ZNF391: variants seen among roughly 807,000 people sequenced by gnomAD.
The protein encoded by ZNF391 is zinc finger protein 391.
For synonymous variants in ZNF391, 126 were observed against 142.1 expected, an observed-to-expected ratio of 0.89 and a Z score of 0.80; for missense variants, 375 against 425.5, an observed-to-expected ratio of 0.88 and a Z score of 1.04.
chr6:27,382,051 G>T (rs1420103578), intron 1 of ZNF391, among the ~76,000 whole-genome samples: 2 of 43,418 alleles, frequency 4.6e-5, no homozygotes, highest in South Asian at 1.4e-3. Context: ...AAAAAAAAAA[G>T]GCCGGCTGCG....
chr6:27,380,859 A>G (rs1165935659), intron 1 of ZNF391, among the ~76,000 whole-genome samples: 2 of 152,080 alleles, frequency 1.3e-5, no homozygotes, highest in South Asian at 2.1e-4. Flanking sequence ...GCATTCACAA[A>G]CCCTGAGCTA....
chr6:27,402,694 T>C lies in ZNF391; in HGVS notation c.*1247T>C, dbSNP rs6456779. The stretch of plus-strand genomic sequence containing the variant: ...TCATAGCTCACTGTAGCCTTGAACT[T>C]CTGGGCTCCTGCCACAGCCTCCTGA... On this transcript the variant is annotated 3_prime_UTR_variant, in exon 3 of 3. Coordinates refer to ENST00000244576, the MANE Select transcript of ZNF391 (RefSeq NM_001076781.3). 0.71 allele frequency: 108,208 copies of C among 152,044 alleles called. 38,712 individuals are homozygous for C. The highest frequency in any genetic ancestry group is 0.82 in the Middle Eastern group (241 of 294). 9.4% of individuals were successfully genotyped at this position (152,044 alleles called of 1,614,324 possible). A position where few individuals can be genotyped will look rare whatever the true frequency, so the allele number is the denominator to read the frequency against.
chr6:27,375,719 A>G (rs1761407062), intron 1 of ZNF391, among the ~76,000 whole-genome samples: 1 of 152,208 alleles, frequency 6.6e-6, no homozygotes, highest in African/African-American at 2.4e-5. Context: ...ACATCAAGCA[A>G]TATTTCTACC....
chr6:27,390,589 G>A (rs1272627219), intron 1 of ZNF391, among the ~76,000 whole-genome samples: 6 of 152,082 alleles, frequency 3.9e-5, no homozygotes, highest in East Asian at 3.9e-4. Context: ...TGTCACATCC[G>A]CTAGACTTCC....
intron 1 of ZNF391, chr6:27,389,455 A>G (rs1197603404): frequency 4.4e-6 from 2 of 454,064 alleles, no homozygotes; most frequent in African/African-American, 2.0e-5. Context: ...CATCAACCCT[A>G]TGAAGTAATG....
chr6:27,388,639 T>C (rs185795422), upstream of ZNF391: 5 of 314,288 alleles, frequency 1.6e-5, no homozygotes, highest in East Asian at 4.2e-4. Flanking sequence ...GCCTCTCGCA[T>C]ACCAGGGGAG....
upstream of ZNF391, chr6:27,388,590 G>A (rs1287898626): frequency 4.5e-5 from 13 of 290,008 alleles, no homozygotes; most frequent in Non-Finnish European, 2.0e-5. Context: ...GGCACCTCTC[G>A]CAGACCCCCT....
rs1457945085 is a variant in ZNF391, at chr6:27,383,256, G to A, written n.523+8119G>A. ...ACCAAAAAAAGAAGAAAGACACCGA[G>A]AGAGACAAAGACAGGGGGTGGGGAA... is the stretch of plus-strand genomic sequence containing the variant. On this transcript the variant is annotated intron_variant and non_coding_transcript_variant, in intron 1 of 2. Coordinates refer to the ZNF391 transcript ENST00000477999. Among the ~76,000 whole-genome samples, 4 of 151,654 alleles carry A rather than the reference G, an allele frequency of 2.6e-5. No homozygotes were observed. In the South Asian group the frequency reaches 8.4e-4, roughly 32 times the overall value.
At chr6:27,395,810 G>A (rs574512996) in intron 1 of ZNF391, among the ~76,000 whole-genome samples, 4 of 152,142 alleles carry the variant, frequency 2.6e-5, no homozygotes, top group African/African-American at 9.6e-5. Flanking sequence ...GGATCTCCTT[G>A]GTTTCATAAT....
At chr6:27,392,050 T>C (rs1182816496) in intron 1 of ZNF391, among the ~76,000 whole-genome samples, 1 of 152,178 alleles carries the variant, frequency 6.6e-6, no homozygotes, top group Non-Finnish European at 1.5e-5. Context: ...TTTGGACCAA[T>C]CAAGTCCAGC....
chr6:27,398,267 C>T (rs1761872497), intron 1 of ZNF391, among the ~76,000 whole-genome samples: 1 of 152,156 alleles, frequency 6.6e-6, no homozygotes, highest in African/African-American at 2.4e-5. Context: ...CTTTAATACA[C>T]AAGGACTCCA....
Position 27,381,583 on chromosome 6 carries a change from C to T in ZNF391, n.523+6446C>T, listed in dbSNP as rs180764211. ...AGGCAGAGGAGGCGCCGAGAGCGAG[C>T]GAGGGCTGTGAGGACTGCCAGCATG... On this transcript the variant is annotated intron_variant and non_coding_transcript_variant, in intron 1 of 2. Coordinates refer to the ZNF391 transcript ENST00000477999. Among the ~76,000 whole-genome samples the T allele has an allele frequency of 3.7e-3, 563 of 152,272 alleles. 4 individuals carry two copies. Among genetic ancestry groups the T allele is most frequent in the African/African-American group, 0.013 (532 of 41,552 alleles).
rs1762031296 is a variant in ZNF391 at position 27,403,738 on chromosome 6, C to CT, written c.*2292dup. The CT allele has an allele frequency of 6.6e-6, 1 of 152,168 alleles. No individual in the cohort carries two copies. Among genetic ancestry groups the CT allele is most frequent in the Admixed American group, 6.5e-5 (1 of 15,274 alleles). The allele number at this position is 152,168 out of a possible 1,614,324, so 9.4% of individuals were successfully genotyped here. A position where few individuals can be genotyped will look rare whatever the true frequency, so the allele number is the denominator to read the frequency against. ...GTTTTTCCTTGAATTACATATATAA[C>CT]TGACTATTTAGACTGACTCCTTTAG... On this transcript the variant is annotated 3_prime_UTR_variant, in exon 3 of 3. Coordinates refer to ENST00000244576, the MANE Select transcript of ZNF391 (RefSeq NM_001076781.3).
chr6:27,400,833 C>CTT lies in ZNF391; in HGVS notation c.463_464insTT (p.His155LeufsTer83). The stretch of plus-strand genomic sequence containing the variant: ...CAGCCGAAGTACACACCTTATTGAA[C>CTT]ATCAAAGAACTCACACTGGAGAGAA... On this transcript the variant is annotated frameshift_variant, in exon 3 of 3. Transcript: ENST00000244576. LOFTEE classifies it low-confidence loss of function (END_TRUNC). 1 of 1,614,190 alleles carries CTT rather than the reference C, an allele frequency of 6.2e-7. No individual in the cohort carries two copies. Among genetic ancestry groups the CTT allele is most frequent in the Non-Finnish European group, 8.5e-7 (1 of 1,180,030 alleles).
intron 1 of ZNF391, among the ~76,000 whole-genome samples, chr6:27,397,250 G>C (rs919751340): frequency 6.6e-6 from 1 of 152,134 alleles, no homozygotes; most frequent in Admixed American, 6.5e-5. Flanking sequence ...ATGTCACATG[G>C]TAAGAGCAGG....
intron 1 of ZNF391, among the ~76,000 whole-genome samples, chr6:27,379,295 A>G (rs1761463468): frequency 6.6e-6 from 1 of 152,226 alleles, no homozygotes; most frequent in Non-Finnish European, 1.5e-5. Flanking sequence ...CACTTGTTGC[A>G]GTGCCATATA....
At chr6:27,393,727 A>G (rs2113653353) in intron 1 of ZNF391, among the ~76,000 whole-genome samples, 1 of 152,350 alleles carries the variant, frequency 6.6e-6, no homozygotes, top group Non-Finnish European at 1.5e-5. Flanking sequence ...AATGTTTGTG[A>G]CAAAAATGCT....
intron 1 of ZNF391, among the ~76,000 whole-genome samples, chr6:27,398,281 G>A (rs2113659479): frequency 6.6e-6 from 1 of 152,276 alleles, no homozygotes; most frequent in East Asian, 1.9e-4. Context: ...GACTCCAAGT[G>A]AATTAACAAG....
rs1193486225 is a variant in ZNF391, at chr6:27,400,966, G to A, written c.596G>A (p.Gly199Glu). Residue 199 changes from glycine to glutamate, a missense_variant, in exon 3 of 3, where the codon GGA becomes GAA. Physicochemically the swap from Gly to Glu is moderately conservative, Grantham distance 98 (BLOSUM62 -2). Transcript: ENST00000244576. ...AAACCATATGAATGTAGTGAATGTG[G>A]AAAAGCCTTTAGCCGAAGCACTAAC... Reference protein sequence around the residue: ...GEKPYECSECGKAFSRSTNLS... With the variant: ...GEKPYECSECEKAFSRSTNLS... The A allele has an allele frequency of 6.2e-7, 1 of 1,614,192 alleles. No homozygotes were observed. Among genetic ancestry groups the A allele is most frequent in the Non-Finnish European group, 8.5e-7 (1 of 1,180,030 alleles).
Sources: gnomAD v4.1 joint callset for allele counts (sites outside exome capture counted in the v4.1 genomes callset) on GRCh38, gnomAD v4.1.1 for gene constraint, MANE v1.5 for transcripts, NCBI Gene and HGNC (gene_info 2026-07-23, HGNC 2026-07-21) for gene names.